Variants in PTPRN2 observed in about 807,000 individuals in gnomAD.
PTPRN2 encodes the protein protein tyrosine phosphatase receptor type N2, also known as receptor-type tyrosine-protein phosphatase N2.
Under a neutral mutation model 118.8 loss-of-function variants are expected in PTPRN2, and 74 were observed. The ratio of observed to expected loss-of-function variants is 0.62; its 90% CI spans 0.52 to 0.76. The LOEUF (loss-of-function observed/expected upper bound fraction) is 0.76, where lower values mean the gene tolerates loss of function less well. Ranked by LOEUF, PTPRN2 falls within the 30% of genes least tolerant of loss-of-function variation. The probability of loss-of-function intolerance (pLI) is 0.00; values close to 1 mark genes in which losing one functional copy is unlikely to be tolerated. For missense variants in PTPRN2, 1,481 were observed against 1,394.4 expected, an observed-to-expected ratio of 1.06 and a Z score of -0.99; for synonymous variants, 641 against 608.0, an observed-to-expected ratio of 1.05 and a Z score of -0.80.
intron 12 of PTPRN2, among the ~76,000 whole-genome samples, chr7:157,791,578 C>A (rs1054344340): frequency 2.0e-5 from 3 of 150,776 alleles, no homozygotes; most frequent in East Asian, 1.9e-4. Context: ...ACCCGCCCCC[C>A]CTCCCTGCAC....
intron 12 of PTPRN2, among the ~76,000 whole-genome samples, chr7:157,819,792 T>G (rs1806691247): frequency 1.3e-5 from 2 of 152,032 alleles, no homozygotes; most frequent in Admixed American, 1.3e-4. Context: ...ACAATATTTG[T>G]GTATTCATGA....
intron 11 of PTPRN2, among the ~76,000 whole-genome samples, chr7:157,969,186 T>C (rs1375534524): frequency 6.6e-6 from 1 of 151,964 alleles, no homozygotes; most frequent in Non-Finnish European, 1.5e-5. Context: ...CATAGCTCAC[T>C]GCAGCCACCA....
In PTPRN2 at chr7:157,682,770, C is replaced by T. The variant is rs747494158; in HGVS notation, c.1956G>A (p.Ser652=). 8 of 1,614,058 alleles carry T rather than the reference C, an allele frequency of 5.0e-6. No individual in the cohort carries two copies. The highest frequency in any genetic ancestry group is 1.6e-4 in the Middle Eastern group (1 of 6,062). The change falls in exon 13 of 23, where the codon TCG becomes TCA. Residue 652 remains serine (S), a synonymous_variant. Transcript: ENST00000389418. ...CTGCACCTGGGTCGCCCCCTAGTCCCGAGAGCTTCTCCTTCAGCCTGTGCT... is the reference window on the plus strand; with the variant it reads ...CTGCACCTGGGTCGCCCCCTAGTCCTGAGAGCTTCTCCTTCAGCCTGTGCT... The part of the protein sequence containing the change: ...SSQHRLKEKL[S]GLGGDPGADA...
intron 12 of PTPRN2, among the ~76,000 whole-genome samples, chr7:157,706,801 T>C (rs1184657376): frequency 1.3e-5 from 2 of 151,982 alleles, no homozygotes; most frequent in African/African-American, 4.8e-5. Flanking sequence ...TGGGTGAATC[T>C]GACCCCAGTG....
chr7:158,359,628 GT>G (rs1275200802), intron 2 of PTPRN2, among the ~76,000 whole-genome samples: 9 of 152,064 alleles, frequency 5.9e-5, no homozygotes, highest in Admixed American at 5.9e-4. Flanking sequence ...ACCAACATGG[GT>G]CATCATTAAT....
At chr7:157,833,717 C>T (rs1338539096) in intron 12 of PTPRN2, among the ~76,000 whole-genome samples, 1 of 152,218 alleles carries the variant, frequency 6.6e-6, no homozygotes, top group Admixed American at 6.5e-5. Flanking sequence ...GGAGATGCAG[C>T]CGTTAGTATG....
At chr7:158,180,059 A>T (rs6979649) in intron 5 of PTPRN2, among the ~76,000 whole-genome samples, 1 of 152,116 alleles carries the variant, frequency 6.6e-6, no homozygotes, top group African/African-American at 2.4e-5. Flanking sequence ...CCTTTTCAAT[A>T]AGGTTGCTTT....
intron 9 of PTPRN2, among the ~76,000 whole-genome samples, chr7:158,117,218 G>C (rs1816801144): frequency 2.0e-5 from 3 of 152,046 alleles, no homozygotes; most frequent in Admixed American, 1.3e-4. Context: ...AAATGTCAAA[G>C]AGAAAACCTA....
Position 158,529,633 on chromosome 7 carries a change from A to G in PTPRN2, c.113-39848T>C, listed in dbSNP as rs1825065910. ...GTCTGGGCTCCAATCAGCAGCGAAG[A>G]TGCAGTGTGGGAATGACAGCAGCTT... On this transcript the variant is annotated intron_variant, in intron 1 of 22. Coordinates refer to ENST00000389418, the MANE Select transcript of PTPRN2 (RefSeq NM_002847.5). The surrounding 1 kb of genome is among the most constrained non-coding windows in gnomAD (Gnocchi z 4.7). Among the ~76,000 whole-genome samples the G allele has an allele frequency of 2.0e-5, 3 of 152,218 alleles. No homozygotes were observed. The highest frequency in any genetic ancestry group is 7.2e-5 in the African/African-American group (3 of 41,456).
chr7:157,549,942 G>A (rs952912348), intron 21 of PTPRN2, among the ~76,000 whole-genome samples: 3 of 152,218 alleles, frequency 2.0e-5, no homozygotes, highest in African/African-American at 7.2e-5. Flanking sequence ...GGTCACCCGA[G>A]TCGCAGATGA....
At chr7:158,285,313 C>T (rs1464378121) in intron 3 of PTPRN2, among the ~76,000 whole-genome samples, 1 of 152,178 alleles carries the variant, frequency 6.6e-6, no homozygotes, top group Non-Finnish European at 1.5e-5. Context: ...TGCCAGGACT[C>T]CTGGTGAACA....
chr7:158,583,382 A>G lies in PTPRN2; in HGVS notation c.112+4176T>C, dbSNP rs558845732. Among the ~76,000 whole-genome samples, 3 of 152,208 alleles carry G rather than the reference A, an allele frequency of 2.0e-5. No individual in the cohort carries two copies. The South Asian group carries it at 6.2e-4, about 32-fold the overall frequency. On this transcript the variant is annotated intron_variant, in intron 1 of 22. Coordinates refer to ENST00000389418, the MANE Select transcript of PTPRN2 (RefSeq NM_002847.5). ...AACATGCTGACATGTTTCATAGCAC[A>G]CAGAGATTCCCGCTGTGCACCATGA...
rs1805312342 is a variant in PTPRN2 at position 157,801,668 on chromosome 7, T to C, written c.1788+97005A>G. On this transcript the variant is annotated intron_variant, in intron 12 of 22. Transcript: ENST00000389418. This position sits in a 1 kb window ranked among gnomAD's most constrained non-coding sequence, Gnocchi z 4.2. ...TAATTTTCTCTAGGGAAAAATTTGATGGGCACGCTATGATTTATTGCCAAA... is the reference window on the plus strand; with the variant it reads ...TAATTTTCTCTAGGGAAAAATTTGACGGGCACGCTATGATTTATTGCCAAA... 6.6e-6 allele frequency among the ~76,000 whole-genome samples: 1 copy of C among 152,168 alleles called. No individual in the cohort carries two copies. Among genetic ancestry groups the C allele is most frequent in the Admixed American group, 6.5e-5 (1 of 15,282 alleles).
In PTPRN2 at chr7:158,210,024, C is replaced by T. The variant is rs1827469110; in HGVS notation, c.278-4751G>A. Reference sequence around the variant, plus strand: ...AAATAATAATACAAACACAACATACCAAAAACCTGTGGGATGCAGCAAAAG... The same window carrying T: ...AAATAATAATACAAACACAACATACTAAAAACCTGTGGGATGCAGCAAAAG... On this transcript the variant is annotated intron_variant, in intron 3 of 22. Transcript: ENST00000389418. Among the ~76,000 whole-genome samples, 2 of 151,478 alleles carry T rather than the reference C, an allele frequency of 1.3e-5. 1 individual carries two copies. Among genetic ancestry groups the T allele is most frequent in the Admixed American group, 1.3e-4 (2 of 15,202 alleles).
At chr7:157,753,959 T>C (rs1364749377) in intron 12 of PTPRN2, among the ~76,000 whole-genome samples, 1 of 152,206 alleles carries the variant, frequency 6.6e-6, no homozygotes, top group Non-Finnish European at 1.5e-5. Flanking sequence ...TCCCTCCTCA[T>C]CCTGGCACCA....
intron 1 of PTPRN2, among the ~76,000 whole-genome samples, chr7:158,502,031 C>T (rs918355590): frequency 1.3e-5 from 2 of 152,156 alleles, no homozygotes; most frequent in East Asian, 3.9e-4. Context: ...CGGAGTAAAA[C>T]GCACCATCCT....
chr7:158,471,460 C>T lies in PTPRN2; in HGVS notation c.163+18275G>A, dbSNP rs1217240087. 5.3e-5 allele frequency among the ~76,000 whole-genome samples: 8 copies of T among 152,260 alleles called. 1 individual carries two copies. The Middle Eastern group carries it at 0.01, about 194-fold the overall frequency. ...ATCCCAGCACTTTGGGAGGCCGACG[C>T]GGGTGGATCACAAGGTCAGGAGATC... is the stretch of plus-strand genomic sequence containing the variant. On this transcript the variant is annotated intron_variant, in intron 2 of 22. Transcript: ENST00000389418.
rs572723418 is a variant in PTPRN2, at chr7:157,703,322, C to T, written c.1789-20385G>A. ...AGGGATGTCTGCTGCCAGGTGGTGG[C>T]GGCTGATGGGGAAACCTGGTGGACA... On this transcript the variant is annotated intron_variant, in intron 12 of 22. Transcript: ENST00000389418. 2.0e-5 allele frequency among the ~76,000 whole-genome samples: 3 copies of T among 152,250 alleles called. No individual in the cohort carries two copies. In the South Asian group the frequency reaches 6.2e-4, roughly 32 times the overall value.
At chr7:157,665,438 T>C (rs1454568681) in intron 13 of PTPRN2, among the ~76,000 whole-genome samples, 4 of 152,232 alleles carry the variant, frequency 2.6e-5, no homozygotes, top group East Asian at 1.9e-4. Context: ...TTAGCTGCGA[T>C]GTCGGCGGCA....
Sources: gnomAD v4.1 joint callset for allele counts (sites outside exome capture counted in the v4.1 genomes callset) on GRCh38, gnomAD v4.1.1 for gene constraint, Gnocchi (gnomAD v3.1) non-coding constraint, MANE v1.5 for transcripts, NCBI Gene and HGNC (gene_info 2026-07-23, HGNC 2026-07-21) for gene names.